DACH2: variants seen among roughly 807,000 people sequenced by gnomAD.
DACH2 encodes the protein dachshund family transcription factor 2.
A neutral mutation model predicts 35.8 loss-of-function variants in DACH2; 17 were observed. That is an observed-to-expected ratio of 0.48 (90% CI 0.33 to 0.71). The LOEUF is 0.71. DACH2 is among the 30% of genes least tolerant of loss of function. The pLI, the probability that DACH2 is intolerant of heterozygous loss-of-function variation, is 0.02. For synonymous variants in DACH2, 195 were observed against 177.3 expected, an observed-to-expected ratio of 1.10 and a Z score of -0.79; for missense variants, 469 against 472.7, an observed-to-expected ratio of 0.99 and a Z score of 0.07.
intron 6 of DACH2, among the ~76,000 whole-genome samples, chrX:86,719,689 T>G (rs756536175): frequency 9.1e-6 from 1 of 110,174 alleles, no homozygotes; most frequent in East Asian, 2.9e-4. Flanking sequence ...AACCATCAGA[T>G]CTCATGAGAC....
At chrX:86,562,766 C>T (rs2039240922) in intron 3 of DACH2, among the ~76,000 whole-genome samples, 1 of 111,290 alleles carries the variant, frequency 9.0e-6, no homozygotes, top group Non-Finnish European at 1.9e-5. Context: ...GGCACATGAT[C>T]TTCTAGAACT....
At chrX:86,494,363 G>A (rs2038136986) in intron 2 of DACH2, among the ~76,000 whole-genome samples, 1 of 111,837 alleles carries the variant, frequency 8.9e-6, no homozygotes, top group African/African-American at 3.3e-5. Flanking sequence ...ATACTGAGTG[G>A]CTACTATGAG....
intron 7 of DACH2, among the ~76,000 whole-genome samples, chrX:86,786,703 G>A (rs2042140753): frequency 8.9e-6 from 1 of 111,874 alleles, no homozygotes; most frequent in African/African-American, 3.2e-5. Context: ...TGCTGGATTG[G>A]GAAAATATTT....
intron 1 of DACH2, among the ~76,000 whole-genome samples, chrX:86,214,936 A>C (rs180679521): frequency 1.9e-4 from 21 of 111,634 alleles, no homozygotes; most frequent in African/African-American, 6.8e-4. Flanking sequence ...GCATTCTAAA[A>C]AAACAAGGTT....
intron 1 of DACH2, among the ~76,000 whole-genome samples, chrX:86,293,726 T>G (rs904963707): frequency 6.3e-5 from 7 of 111,590 alleles, no homozygotes; most frequent in Non-Finnish European, 1.3e-4. Flanking sequence ...GAAAATTCTT[T>G]TCTTTAAGAA....
intron 3 of DACH2, among the ~76,000 whole-genome samples, chrX:86,527,934 G>A (rs939294962): frequency 1.3e-4 from 14 of 111,741 alleles, no homozygotes; most frequent in South Asian, 7.4e-4. Flanking sequence ...GTCTAGAAGC[G>A]GATTTTTGCA....
At chrX:86,404,896 T>A (rs779332013) in intron 2 of DACH2, among the ~76,000 whole-genome samples, 5 of 112,165 alleles carry the variant, frequency 4.5e-5, no homozygotes, top group Admixed American at 3.8e-4. Flanking sequence ...CAGATCTCAG[T>A]TTTTGACTTC....
chrX:86,594,787 G>A (rs553326674), intron 3 of DACH2, among the ~76,000 whole-genome samples: 2 of 111,780 alleles, frequency 1.8e-5, no homozygotes, highest in South Asian at 3.7e-4. Context: ...ATCAAGTAGA[G>A]CCAGTTGACT....
chrX:86,398,097 T>C (rs1331117247), intron 2 of DACH2, among the ~76,000 whole-genome samples: 1 of 112,259 alleles, frequency 8.9e-6, no homozygotes, highest in East Asian at 2.8e-4. Flanking sequence ...AGATTCAACT[T>C]CTTCCTGGTT....
At chrX:86,483,481 T>C (rs1460652464) in intron 2 of DACH2, among the ~76,000 whole-genome samples, 1 of 111,325 alleles carries the variant, frequency 9.0e-6, no homozygotes, top group Non-Finnish European at 1.9e-5. Context: ...TAACAACTTA[T>C]ATCCCATAAG....
chrX:86,399,248 A>C (rs191658896), intron 2 of DACH2, among the ~76,000 whole-genome samples: 1 of 111,217 alleles, frequency 9.0e-6, no homozygotes, highest in African/African-American at 3.3e-5. Flanking sequence ...ATCTTCCTCC[A>C]TCCCTTTATT....
chrX:86,610,363 C>CTCTTTCTTTCTTTCTTTCTT (rs201309617), intron 3 of DACH2, among the ~76,000 whole-genome samples: 28 of 70,096 alleles, frequency 4.0e-4, no homozygotes, highest in South Asian at 1.1e-3. Flanking sequence ...TCCTTCCTTC[C>CTCTTTCTTTCTTTCTTTCTT]TCTTTCTTTC....
At chrX:86,515,195 G>T (rs1017048368) in intron 3 of DACH2, among the ~76,000 whole-genome samples, 1 of 110,922 alleles carries the variant, frequency 9.0e-6, no homozygotes, top group African/African-American at 3.3e-5. Flanking sequence ...AGTGGTCCTT[G>T]CCACGCTAGA....
intron 3 of DACH2, among the ~76,000 whole-genome samples, chrX:86,548,860 G>C (rs1273759188): frequency 2.7e-5 from 3 of 112,061 alleles, no homozygotes; most frequent in Non-Finnish European, 3.8e-5. Flanking sequence ...ATACATAAGA[G>C]GAAAATGTAC....
In DACH2 at chrX:86,148,698, A is replaced by G; in HGVS notation, c.78A>G (p.Glu26=). 3 of 1,209,185 alleles carry G rather than the reference A, an allele frequency of 2.5e-6. No individual in the cohort carries two copies. Among genetic ancestry groups the G allele is most frequent in the Non-Finnish European group, 3.4e-6 (3 of 894,422 alleles). Residue 26 remains glutamate, a synonymous_variant, in exon 1 of 12, where the codon GAA becomes GAG. Coordinates refer to ENST00000373125, the MANE Select transcript of DACH2 (RefSeq NM_053281.3). ...TCCCGGGGGGCTTATTCCGGGCCGA[A>G]CCCCTGTACTCGACTCCCAGAGAGC... The part of the protein sequence containing the change: ...AGVPGGLFRA[E]PLYSTPREPP...
chrX:86,452,731 G>A (rs1459833946), intron 2 of DACH2, among the ~76,000 whole-genome samples: 2 of 111,042 alleles, frequency 1.8e-5, no homozygotes, highest in African/African-American at 6.5e-5. Context: ...AGTCTAGCTA[G>A]TGGTATATCT....
At chrX:86,422,497 C>A (rs1331670337) in intron 2 of DACH2, among the ~76,000 whole-genome samples, 2 of 109,947 alleles carry the variant, frequency 1.8e-5, no homozygotes, top group Non-Finnish European at 3.8e-5. Context: ...ACTTTTGAGT[C>A]TTAGTATGAA....
At chrX:86,374,820 A>AT (rs964663233) in intron 1 of DACH2, among the ~76,000 whole-genome samples, 46 of 109,916 alleles carry the variant, frequency 4.2e-4, no homozygotes, top group Non-Finnish European at 5.9e-4. Flanking sequence ...AACCCAGCTG[A>AT]TTTTTTTTCA....
At chrX:86,197,660 GAC>G (rs1048170523) in intron 1 of DACH2, among the ~76,000 whole-genome samples, 13 of 110,620 alleles carry the variant, frequency 1.2e-4, no homozygotes, top group Non-Finnish European at 1.9e-5. Context: ...GATCAAAAAA[GAC>G]AAAAAAAAGA....
Sources: gnomAD v4.1 joint callset for allele counts (sites outside exome capture counted in the v4.1 genomes callset) on GRCh38, gnomAD v4.1.1 for gene constraint, MANE v1.5 for transcripts, NCBI Gene and HGNC (gene_info 2026-07-23, HGNC 2026-07-21) for gene names.